Variants in ARHGAP15 observed in about 807,000 individuals in gnomAD.
The protein encoded by ARHGAP15 is Rho GTPase activating protein 15.
A neutral mutation model predicts 63.7 loss-of-function variants in ARHGAP15; 51 were observed. The ratio of observed to expected loss-of-function variants is 0.80; its 90% CI spans 0.64 to 1.01. The LOEUF is 1.01. ARHGAP15 is among the 50% of genes least tolerant of loss of function. ARHGAP15 has a pLI of 0.00. For missense variants in ARHGAP15, 560 were observed against 564.6 expected (o/e 0.99, Z 0.08); for synonymous variants, 191 against 193.8 (o/e 0.99, Z 0.12).
At chr2:143,185,289 A>G (rs560309713) in intron 2 of ARHGAP15, among the ~76,000 whole-genome samples, 44 of 152,274 alleles carry the variant, frequency 2.9e-4, no homozygotes, top group African/African-American at 1.0e-3. Context: ...TCTTTAATTT[A>G]CTTCGTCCCT....
intron 12 of ARHGAP15, among the ~76,000 whole-genome samples, chr2:143,637,257 C>T (rs1037388606): frequency 6.6e-6 from 1 of 152,044 alleles, no homozygotes; most frequent in African/African-American, 2.4e-5. Flanking sequence ...AAAGCTTCCT[C>T]CTATATTCTC....
chr2:143,287,099 G>C (rs1682143771), intron 6 of ARHGAP15, among the ~76,000 whole-genome samples: 1 of 152,060 alleles, frequency 6.6e-6, no homozygotes, highest in Non-Finnish European at 1.5e-5. Flanking sequence ...ATACTCAATT[G>C]AACAAATGTA....
chr2:143,457,869 C>T (rs1033276581), intron 8 of ARHGAP15, among the ~76,000 whole-genome samples: 19 of 151,366 alleles, frequency 1.3e-4, no homozygotes, highest in Non-Finnish European at 2.2e-4. Context: ...TATTCAGAGG[C>T]AAATGCATAG....
chr2:143,572,937 T>C (rs1226973136), intron 11 of ARHGAP15, among the ~76,000 whole-genome samples: 2 of 152,126 alleles, frequency 1.3e-5, no homozygotes, highest in Non-Finnish European at 2.9e-5. Context: ...TAAATTCAAA[T>C]CTCTAGATTA....
intron 12 of ARHGAP15, among the ~76,000 whole-genome samples, chr2:143,641,982 C>T (rs1251441493): frequency 6.6e-6 from 1 of 151,812 alleles, no homozygotes; most frequent in Non-Finnish European, 1.5e-5. Context: ...TAGATAATGG[C>T]CCATTTATAT....
intron 6 of ARHGAP15, among the ~76,000 whole-genome samples, chr2:143,325,286 G>A (rs183884091): frequency 6.6e-6 from 1 of 152,166 alleles, no homozygotes; most frequent in African/African-American, 2.4e-5. Flanking sequence ...ATAGTTCAGA[G>A]CATTTCTTCA....
chr2:143,440,469 G>A (rs943887941), intron 8 of ARHGAP15, among the ~76,000 whole-genome samples: 1 of 152,078 alleles, frequency 6.6e-6, no homozygotes, highest in Non-Finnish European at 1.5e-5. Context: ...TGCCCTTGAT[G>A]TTCCCATGAG....
Position 143,512,847 on chromosome 2 carries a change from G to A in ARHGAP15, c.827-6419G>A, listed in dbSNP as rs867884994. Among the ~76,000 whole-genome samples the A allele has an allele frequency of 5.9e-5, 9 of 152,206 alleles. No homozygotes were observed. The East Asian group carries it at 1.2e-3, about 20-fold the overall frequency. On this transcript the variant is annotated intron_variant, in intron 9 of 13. Transcript: ENST00000295095. ...TCCCTGCAAACTAGTTCCTGTGTCC[G>A]CTCATCTGCGGCACATAAGCATCTT...
intron 11 of ARHGAP15, among the ~76,000 whole-genome samples, chr2:143,622,942 A>G (rs1698695872): frequency 6.6e-6 from 1 of 152,190 alleles, no homozygotes; most frequent in Admixed American, 6.6e-5. Flanking sequence ...CTCTGGATTC[A>G]TAAAACTGAC....
At position 143,266,302 on chromosome 2, in the gene ARHGAP15, CAATAT is replaced by C. The variant is rs1411403182; in HGVS notation, c.474+15707_474+15711del. The stretch of plus-strand genomic sequence containing the variant: ...TAAAGTCAAGCAAAATTAATTTTTT[CAATAT>C]AATACAAATCAAACTATGGTGAAAA... On this transcript the variant is annotated intron_variant, in intron 6 of 13. Transcript: ENST00000295095. Among the ~76,000 whole-genome samples, 5 of 152,042 alleles carry C rather than the reference CAATAT, an allele frequency of 3.3e-5. No individual in the cohort carries two copies. In the East Asian group the frequency reaches 7.7e-4, roughly 24 times the overall value.
chr2:143,582,863 A>G (rs1252001557), intron 11 of ARHGAP15, among the ~76,000 whole-genome samples: 1 of 152,218 alleles, frequency 6.6e-6, no homozygotes, highest in African/African-American at 2.4e-5. Flanking sequence ...CATGGTTAAC[A>G]CCAGATTGAT....
rs538243016 is a variant in ARHGAP15, at chr2:143,474,160, A to G, written c.704-13213A>G. On this transcript the variant is annotated intron_variant, in intron 8 of 13. Transcript: ENST00000295095. ...GGGTGTCCTGGCATTCAGCAACAAAATCCTCTTCCCCCAGGGAAAAGGAAG... is the reference window on the plus strand; with the variant it reads ...GGGTGTCCTGGCATTCAGCAACAAAGTCCTCTTCCCCCAGGGAAAAGGAAG... 3.4e-3 allele frequency among the ~76,000 whole-genome samples: 520 copies of G among 152,232 alleles called. 4 individuals are homozygous for G. The highest frequency in any genetic ancestry group is 5.7e-3 in the Non-Finnish European group (389 of 68,014).
rs116820855 is a variant in ARHGAP15 at position 143,131,970 on chromosome 2, A to G, written c.-15+2504A>G. 1.9e-3 allele frequency among the ~76,000 whole-genome samples: 291 copies of G among 152,296 alleles called. 4 individuals are homozygous for G. Among genetic ancestry groups the G allele is most frequent in the African/African-American group, 6.7e-3 (277 of 41,552 alleles). ...ATCCATTTCTTTAAGATAGTCCTGA[A>G]GAAATAAACACCTTTCTTGCAGCAG... On this transcript the variant is annotated intron_variant, in intron 1 of 13. Transcript: ENST00000295095.
chr2:143,396,921 C>T (rs764004997), intron 6 of ARHGAP15, among the ~76,000 whole-genome samples: 1 of 152,004 alleles, frequency 6.6e-6, no homozygotes, highest in Non-Finnish European at 1.5e-5. Context: ...TTCTAACCTG[C>T]AACAGTAAAG....
rs569838613 is a variant in ARHGAP15 at position 143,499,651 on chromosome 2, A to C, written c.826+12156A>C. Among the ~76,000 whole-genome samples, 29 of 152,260 alleles carry C rather than the reference A, an allele frequency of 1.9e-4. No homozygotes were observed. The South Asian group carries it at 6.0e-3, about 32-fold the overall frequency. On this transcript the variant is annotated intron_variant, in intron 9 of 13. Coordinates refer to ENST00000295095, the MANE Select transcript of ARHGAP15 (RefSeq NM_018460.4). ...AACATTTAAAGTTAAGTAGCATTCC[A>C]TAAGGTGGTAATTGTGTCTATTTCC...
intron 9 of ARHGAP15, among the ~76,000 whole-genome samples, chr2:143,490,148 C>T (rs940469782): frequency 5.3e-5 from 8 of 151,942 alleles, no homozygotes; most frequent in Non-Finnish European, 1.2e-4. Flanking sequence ...TACAGGTGCC[C>T]GCCACCACGC....
At chr2:143,703,395 C>A in intron 12 of ARHGAP15, 24 bp from the exon 13 acceptor site, 1 of 1,585,780 alleles carries the variant, frequency 6.3e-7, no homozygotes. Flanking sequence ...TTTCCCTAAC[C>A]TTCCTTTTTA....
chr2:143,761,494 A>G (rs1686757239), intron 13 of ARHGAP15, among the ~76,000 whole-genome samples: 1 of 151,138 alleles, frequency 6.6e-6, no homozygotes, highest in African/African-American at 2.4e-5. Flanking sequence ...TCACTATAGT[A>G]ACAGCAAAGC....
intron 13 of ARHGAP15, among the ~76,000 whole-genome samples, chr2:143,748,396 G>C (rs772226896): frequency 3.3e-5 from 5 of 152,030 alleles, no homozygotes; most frequent in Non-Finnish European, 2.9e-5. Flanking sequence ...CTCTAATATA[G>C]GGGGAAAGAA....
Sources: gnomAD v4.1 joint callset for allele counts (sites outside exome capture counted in the v4.1 genomes callset) on GRCh38, gnomAD v4.1.1 for gene constraint, MANE v1.5 for transcripts, NCBI Gene and HGNC (gene_info 2026-07-23, HGNC 2026-07-21) for gene names.